CDH4: variants seen among roughly 807,000 people sequenced by gnomAD.
The protein encoded by CDH4 is cadherin 4.
Under a neutral mutation model 86.0 loss-of-function variants are expected in CDH4, and 33 were observed. The ratio of observed to expected loss-of-function variants is 0.38; its 90% CI spans 0.29 to 0.51. The LOEUF is 0.51. CDH4 is among the 20% of genes least tolerant of loss of function. The probability of loss-of-function intolerance (pLI) is 0.86; values close to 1 mark genes in which losing one functional copy is unlikely to be tolerated. For missense variants in CDH4, 1,114 were observed against 1,307.4 expected (o/e 0.85, Z 2.28); for synonymous variants, 555 against 549.4 (o/e 1.01, Z -0.14).
At chr20:61,398,956 A>G (rs1302375259) in intron 2 of CDH4, among the ~76,000 whole-genome samples, 7 of 152,152 alleles carry the variant, frequency 4.6e-5, no homozygotes, top group African/African-American at 1.4e-4. Context: ...GCCTCTGGCC[A>G]TGGAGGTGTG....
At position 61,579,077 on chromosome 20, in the gene CDH4, G is replaced by A. The variant is rs747556326; in HGVS notation, c.170-164486G>A. ...GGGGCCATGCATGGCACAGACAGGC[G>A]TCCTCCCACTCAAACCCCACACCTG... On this transcript the variant is annotated intron_variant, in intron 2 of 15. Coordinates refer to ENST00000614565, the MANE Select transcript of CDH4 (RefSeq NM_001794.5). Among the ~76,000 whole-genome samples the A allele has an allele frequency of 3.9e-5, 6 of 152,198 alleles. No individual in the cohort carries two copies. The South Asian group carries it at 8.3e-4, about 21-fold the overall frequency.
At chr20:61,358,884 A>C (rs2123315113) in intron 2 of CDH4, among the ~76,000 whole-genome samples, 1 of 152,308 alleles carries the variant, frequency 6.6e-6, no homozygotes, top group East Asian at 1.9e-4. Context: ...GCTCACCGTC[A>C]GTTTCAGCCC....
intron 8 of CDH4, among the ~76,000 whole-genome samples, chr20:61,901,232 G>GGCAGGGGCAGGT (rs1985391240): frequency 6.6e-6 from 1 of 150,932 alleles, no homozygotes; most frequent in African/African-American, 2.5e-5. Context: ...TAGGGGCAGG[G>GGCAGGGGCAGGT]GCAGGGGCAG....
chr20:61,746,982 G>A (rs941983210), intron 3 of CDH4, among the ~76,000 whole-genome samples: 10 of 152,186 alleles, frequency 6.6e-5, no homozygotes, highest in Admixed American at 2.0e-4. Context: ...TGTCCTGGCC[G>A]CCTGCCAGAA....
At chr20:61,887,405 A>AC (rs1984595398) in intron 7 of CDH4, among the ~76,000 whole-genome samples, 1 of 150,610 alleles carries the variant, frequency 6.6e-6, no homozygotes, top group Non-Finnish European at 1.5e-5. Flanking sequence ...CACACACACA[A>AC]CACGCATGCA....
chr20:61,340,425 G>A (rs1041262698), intron 2 of CDH4, among the ~76,000 whole-genome samples: 14 of 152,240 alleles, frequency 9.2e-5, no homozygotes, highest in African/African-American at 3.1e-4. Context: ...TCCATCTGTC[G>A]GAGATATTTT....
intron 2 of CDH4, among the ~76,000 whole-genome samples, chr20:61,656,898 T>C (rs12480608): frequency 0.37 from 56,064 of 151,962 alleles, 10,536 homozygotes; most frequent in East Asian, 0.57. Context: ...ATGTGGAGGC[T>C]GCCAGCCTTC....
At chr20:61,395,528 C>G (rs1006561675) in intron 2 of CDH4, among the ~76,000 whole-genome samples, 12 of 152,032 alleles carry the variant, frequency 7.9e-5, no homozygotes, top group African/African-American at 2.9e-4. Flanking sequence ...ACATGTAATC[C>G]CAGCACTTTG....
At chr20:61,768,859 G>A (rs187627904) in intron 3 of CDH4, among the ~76,000 whole-genome samples, 5 of 152,238 alleles carry the variant, frequency 3.3e-5, no homozygotes, top group South Asian at 4.2e-4. Flanking sequence ...GGAAATTAAC[G>A]CCATACAAGC....
chr20:61,737,363 G>A (rs1466825183), intron 2 of CDH4, among the ~76,000 whole-genome samples: 1 of 152,088 alleles, frequency 6.6e-6, no homozygotes, highest in Non-Finnish European at 1.5e-5. Context: ...GTGAGGAGAG[G>A]GAGCTGACCC....
At chr20:61,776,093 AG>A (rs750674660) in intron 4 of CDH4, among the ~76,000 whole-genome samples, 1 of 152,206 alleles carries the variant, frequency 6.6e-6, no homozygotes, top group African/African-American at 2.4e-5. Context: ...AGACCAGCAG[AG>A]GGCTCGGGTA....
rs996805314 is a variant in CDH4, at chr20:61,879,718, C to T, written c.1050+5818C>T. Among the ~76,000 whole-genome samples, 4 of 151,710 alleles carry T rather than the reference C, an allele frequency of 2.6e-5. No homozygotes were observed. Among genetic ancestry groups the T allele is most frequent in the African/African-American group, 7.2e-5 (3 of 41,486 alleles). Reference sequence around the variant, plus strand: ...CTAATGAGGAGGTGAACGTGCCGCCCGAGCCCCGTCCTGAAGGTGAGAGTG... The same window carrying T: ...CTAATGAGGAGGTGAACGTGCCGCCTGAGCCCCGTCCTGAAGGTGAGAGTG... On this transcript the variant is annotated intron_variant, in intron 7 of 15. Coordinates refer to ENST00000614565, the MANE Select transcript of CDH4 (RefSeq NM_001794.5). This position sits in a 1 kb window ranked among gnomAD's most constrained non-coding sequence, Gnocchi z 4.1.
At chr20:61,818,132 C>T (rs1186814487) in intron 4 of CDH4, among the ~76,000 whole-genome samples, 5 of 152,184 alleles carry the variant, frequency 3.3e-5, no homozygotes, top group African/African-American at 1.2e-4. Context: ...TGGGTTCAAG[C>T]GATTCTCCTG....
At chr20:61,882,573 C>A (rs1447903483) in intron 7 of CDH4, among the ~76,000 whole-genome samples, 11 of 152,328 alleles carry the variant, frequency 7.2e-5, no homozygotes, top group Admixed American at 5.9e-4. Context: ...GGCTCTGAAG[C>A]CCCTGGCCCG....
At chr20:61,731,161 C>A (rs1359803705) in intron 2 of CDH4, among the ~76,000 whole-genome samples, 1 of 152,084 alleles carries the variant, frequency 6.6e-6, no homozygotes, top group Non-Finnish European at 1.5e-5. Context: ...TCCGAGTCCC[C>A]CCCTCAGCCC....
At chr20:61,419,247 G>A (rs767537870) in intron 2 of CDH4, among the ~76,000 whole-genome samples, 2 of 152,138 alleles carry the variant, frequency 1.3e-5, no homozygotes, top group Non-Finnish European at 2.9e-5. Context: ...AGAGGCGGCC[G>A]CTTTGCCCAG....
At chr20:61,498,926 A>C (rs1303930915) in intron 2 of CDH4, among the ~76,000 whole-genome samples, 1 of 152,164 alleles carries the variant, frequency 6.6e-6, no homozygotes, top group African/African-American at 2.4e-5. Flanking sequence ...GGAACCTAGC[A>C]TTCAGCCCCA....
At chr20:61,785,468 G>C (rs1331737395) in intron 4 of CDH4, among the ~76,000 whole-genome samples, 2 of 152,220 alleles carry the variant, frequency 1.3e-5, no homozygotes, top group Non-Finnish European at 2.9e-5. Flanking sequence ...GATTTGGCCT[G>C]TGGGCTGTGG....
chr20:61,532,034 C>T (rs925885540), intron 2 of CDH4, among the ~76,000 whole-genome samples: 3 of 152,210 alleles, frequency 2.0e-5, no homozygotes, highest in African/African-American at 7.2e-5. Flanking sequence ...ATAGAAGTGG[C>T]GCCTGTTGCC....
Sources: gnomAD v4.1 joint callset for allele counts (sites outside exome capture counted in the v4.1 genomes callset) on GRCh38, gnomAD v4.1.1 for gene constraint, Gnocchi (gnomAD v3.1) non-coding constraint, MANE v1.5 for transcripts, NCBI Gene and HGNC (gene_info 2026-07-23, HGNC 2026-07-21) for gene names.